SCAPER: variants seen among roughly 807,000 people sequenced by gnomAD.
SCAPER encodes the protein S-phase cyclin A associated protein in the ER.
SCAPER carries 98 observed loss-of-function variants against 182.2 expected under a neutral mutation model. The observed-to-expected ratio is 0.54, with a 90% CI of 0.46 to 0.64. SCAPER has a LOEUF of 0.64. Among genes scored for constraint, SCAPER ranks in the 30% least tolerant of loss-of-function variants. The pLI is 0.00. For missense variants in SCAPER, 1,432 were observed against 1,690.0 expected (o/e 0.85, Z 2.68); for synonymous variants, 605 against 564.6 (o/e 1.07, Z -1.01).
chr15:76,571,119 A>G (rs1021621611), intron 23 of SCAPER, among the ~76,000 whole-genome samples: 1 of 152,198 alleles, frequency 6.6e-6, no homozygotes, highest in Admixed American at 6.5e-5. Context: ...TGACACTTGT[A>G]AACCACAACT....
At chr15:76,759,477 G>C (rs1477008700) in intron 14 of SCAPER, among the ~76,000 whole-genome samples, 2 of 151,976 alleles carry the variant, frequency 1.3e-5, no homozygotes, top group African/African-American at 4.8e-5. Flanking sequence ...CACAATAATG[G>C]TATCAATCCA....
intron 5 of SCAPER, among the ~76,000 whole-genome samples, chr15:76,832,638 G>A (rs1280619187): frequency 6.6e-6 from 1 of 152,188 alleles, no homozygotes; most frequent in Non-Finnish European, 1.5e-5. Context: ...CCTAGTGGGA[G>A]GTGACTGAAT....
rs1402825202 is a variant in SCAPER at position 76,435,350 on chromosome 15, A to T, written c.3079-1040T>A. ...CCTTTTGTCCAAAATTTTTGGTTTC[A>T]CTGAGATAATCATTTTTCCCTATAT... On this transcript the variant is annotated intron_variant, in intron 25 of 31. Transcript: ENST00000563290. Among the ~76,000 whole-genome samples the T allele has an allele frequency of 1.3e-5, 2 of 152,184 alleles. 1 individual carries two copies. Among genetic ancestry groups the T allele is most frequent in the South Asian group, 4.1e-4 (2 of 4,832 alleles).
At chr15:76,805,591 G>A (rs961743382) in intron 5 of SCAPER, among the ~76,000 whole-genome samples, 4 of 124,448 alleles carry the variant, frequency 3.2e-5, no homozygotes, top group South Asian at 2.4e-4. Flanking sequence ...ACGGAGTCTC[G>A]CTCTGTCACC....
At chr15:76,510,114 A>G (rs781535604) in intron 23 of SCAPER, among the ~76,000 whole-genome samples, 9 of 152,242 alleles carry the variant, frequency 5.9e-5, no homozygotes, top group African/African-American at 1.9e-4. Flanking sequence ...ACCTGAAACT[A>G]TAAAAATTCT....
chr15:76,883,090 G>A (rs2073661857), intron 2 of SCAPER, among the ~76,000 whole-genome samples: 3 of 152,194 alleles, frequency 2.0e-5, no homozygotes, highest in Admixed American at 1.3e-4. Flanking sequence ...CAAATTAAGA[G>A]AGAGGGACTC....
intron 23 of SCAPER, among the ~76,000 whole-genome samples, chr15:76,505,298 G>T (rs1026879481): frequency 6.6e-6 from 1 of 152,002 alleles, no homozygotes; most frequent in Non-Finnish European, 1.5e-5. Context: ...AATCCACCAA[G>T]CAAAGAGACA....
intron 21 of SCAPER, among the ~76,000 whole-genome samples, chr15:76,645,550 A>G (rs1018981312): frequency 6.7e-6 from 1 of 149,510 alleles, no homozygotes; most frequent in African/African-American, 2.5e-5. Flanking sequence ...GTTTGTATGT[A>G]TTTATTCTTA....
chr15:76,872,471 T>G (rs2072795544), intron 2 of SCAPER, among the ~76,000 whole-genome samples: 1 of 151,972 alleles, frequency 6.6e-6, no homozygotes, highest in African/African-American at 2.4e-5. Context: ...CTCATTACCT[T>G]CAAAGGGGTG....
intron 23 of SCAPER, among the ~76,000 whole-genome samples, chr15:76,507,306 G>A (rs2041669038): frequency 6.6e-6 from 1 of 152,160 alleles, no homozygotes; most frequent in Admixed American, 6.5e-5. Flanking sequence ...GGAGAGAGGT[G>A]TCAGGAGAAA....
At chr15:76,875,513 C>T (rs1228664600) in intron 2 of SCAPER, among the ~76,000 whole-genome samples, 6 of 152,076 alleles carry the variant, frequency 3.9e-5, no homozygotes, top group Admixed American at 6.6e-5. Flanking sequence ...CGTGGTGGTA[C>T]GCGCCTGTAA....
intron 8 of SCAPER, among the ~76,000 whole-genome samples, chr15:76,791,585 A>G (rs1427962178): frequency 6.6e-6 from 1 of 152,092 alleles, no homozygotes; most frequent in African/African-American, 2.4e-5. Context: ...AGGGGGTGGG[A>G]AAGTACTGCA....
intron 23 of SCAPER, among the ~76,000 whole-genome samples, chr15:76,554,071 A>T (rs1382943513): frequency 6.6e-6 from 1 of 152,210 alleles, no homozygotes; most frequent in African/African-American, 2.4e-5. Context: ...CAATCCAAGG[A>T]ATCTAAGGAA....
rs561145240 is a variant in SCAPER at position 76,875,929 on chromosome 15, G to C, written c.6+7883C>G. Among the ~76,000 whole-genome samples, 552 of 152,284 alleles carry C rather than the reference G, an allele frequency of 3.6e-3. 6 individuals carry two copies. Among genetic ancestry groups the C allele is most frequent in the African/African-American group, 0.013 (532 of 41,568 alleles). On this transcript the variant is annotated intron_variant, in intron 2 of 31. Transcript: ENST00000563290. ...GCGCAGGACCCCACGGTGGGGGGCG[G>C]GGTCAGGCTCAGGCATGGCGGGCTG...
At chr15:76,836,653 C>G (rs2151746662) in intron 5 of SCAPER, among the ~76,000 whole-genome samples, 1 of 152,192 alleles carries the variant, frequency 6.6e-6, no homozygotes, top group Middle Eastern at 3.4e-3. Context: ...GTGGGAGGAT[C>G]ACGAGGTCAG....
chr15:76,576,365 A>T (rs1406681169), intron 22 of SCAPER, among the ~76,000 whole-genome samples: 1 of 152,198 alleles, frequency 6.6e-6, no homozygotes, highest in African/African-American at 2.4e-5. Flanking sequence ...ATCTCTAAAA[A>T]GAAAAAAACC....
intron 20 of SCAPER, among the ~76,000 whole-genome samples, chr15:76,689,044 T>C (rs1241787898): frequency 2.0e-5 from 3 of 151,986 alleles, no homozygotes; most frequent in African/African-American, 7.3e-5. Context: ...GAGACAGGGT[T>C]TCACCATGTT....
chr15:76,372,348 CT>C (rs1200102299), intron 29 of SCAPER, among the ~76,000 whole-genome samples: 3 of 152,176 alleles, frequency 2.0e-5, no homozygotes, highest in African/African-American at 7.2e-5. Flanking sequence ...ATTTCATCTG[CT>C]TTTTTTCCCC....
At chr15:76,766,509 C>T (rs1568061806) in intron 11 of SCAPER, among the ~76,000 whole-genome samples, 1 of 151,190 alleles carries the variant, frequency 6.6e-6, no homozygotes, top group Non-Finnish European at 1.5e-5. Flanking sequence ...AATTTTTTAA[C>T]TTTTTTTTAA....
Sources: gnomAD v4.1 joint callset for allele counts (sites outside exome capture counted in the v4.1 genomes callset) on GRCh38, gnomAD v4.1.1 for gene constraint, MANE v1.5 for transcripts, NCBI Gene and HGNC (gene_info 2026-07-23, HGNC 2026-07-21) for gene names.